OR2F1: variants seen among roughly 807,000 people sequenced by gnomAD.
OR2F1 encodes the protein olfactory receptor 2F1.
For synonymous variants in OR2F1, 146 were observed against 155.3 expected, an observed-to-expected ratio of 0.94 and a Z score of 0.44; for missense variants, 389 against 378.2, an observed-to-expected ratio of 1.03 and a Z score of -0.24.
rs371833869 is a variant in OR2F1, at chr7:143,960,694, G to A, written c.724G>A (p.Ala242Thr). 5 of 1,613,944 alleles carry A rather than the reference G, an allele frequency of 3.1e-6. No homozygotes were observed. In the African/African-American group the frequency reaches 5.3e-5, roughly 17 times the overall value. ...EGRKKAFHTC[A>T]SHLTVVALCY... ...AAGAAAGAAAGCTTTCCACACGTGT[G>A]CCTCTCACCTCACAGTGGTTGCCCT... The change falls in exon 3 of 3, where the codon GCC (alanine) becomes ACC (threonine). Residue 242 changes from alanine to threonine, a missense_variant. Coordinates refer to ENST00000641412, the MANE Select transcript of OR2F1 (RefSeq NM_012369.3).
Position 143,960,078 on chromosome 7 carries a change from G to A in OR2F1, c.108G>A (p.Val36=), listed in dbSNP as rs750702926. 1 of 1,614,074 alleles carries A rather than the reference G, an allele frequency of 6.2e-7. No individual in the cohort carries two copies. The highest frequency in any genetic ancestry group is 1.7e-5 in the Admixed American group (1 of 60,004). The change falls in exon 3 of 3, where the codon GTG becomes GTA. Residue 36 remains valine (V), a synonymous_variant. Coordinates refer to ENST00000641412, the MANE Select transcript of OR2F1 (RefSeq NM_012369.3). Reference sequence around the variant, plus strand: ...TTGTCCTGTTCTTGGTCATGTATGTGGTGACCGTGCTGGGGAACTGTCTCA... The same window carrying A: ...TTGTCCTGTTCTTGGTCATGTATGTAGTGACCGTGCTGGGGAACTGTCTCA... ...SLFVLFLVMY[V]VTVLGNCLIV... is the part of the protein sequence containing the mutation.
rs144390135 is a variant in OR2F1 at position 143,959,716 on chromosome 7, T to C, written c.-23-232T>C. ...TAGAATTCCTAATGTTGCAATGCAT[T>C]ATTTCCAGGATTTAACTGGCTTCCC... On this transcript the variant is annotated intron_variant, in intron 2 of 2. Transcript: ENST00000641412. Among the ~76,000 whole-genome samples the C allele has an allele frequency of 2.3e-3, 351 of 152,340 alleles. 2 individuals carry two copies. Among genetic ancestry groups the C allele is most frequent in the Non-Finnish European group, 4.0e-3 (274 of 68,030 alleles).
In OR2F1 at chr7:143,963,893, C is replaced by T. The variant is rs2050350193; in HGVS notation, c.*2969C>T. The T allele has an allele frequency of 6.6e-6, 1 of 152,208 alleles. No individual in the cohort carries two copies. The highest frequency in any genetic ancestry group is 2.1e-4 in the South Asian group (1 of 4,816). The allele number at this position is 152,208 out of a possible 1,614,324, so 9.4% of individuals were successfully genotyped here. A position where few individuals can be genotyped will look rare whatever the true frequency, so the allele number is the denominator to read the frequency against. On this transcript the variant is annotated 3_prime_UTR_variant, in exon 3 of 3. Transcript: ENST00000641412. Reference sequence around the variant, plus strand: ...CCAGATTGAGGATGGGCCTGCCTCTCCTAGTCCACTGACTCAGATGTTAAT... The same window carrying T: ...CCAGATTGAGGATGGGCCTGCCTCTTCTAGTCCACTGACTCAGATGTTAAT...
chr7:143,956,403 G>A (rs1461248782), intron 1 of OR2F1, among the ~76,000 whole-genome samples: 8 of 151,844 alleles, frequency 5.3e-5, no homozygotes, highest in African/African-American at 1.2e-4. Flanking sequence ...ATAAACATTC[G>A]AAACAAGATA....
intron 1 of OR2F1, among the ~76,000 whole-genome samples, chr7:143,956,277 T>C (rs2050284797): frequency 6.6e-6 from 1 of 152,164 alleles, no homozygotes; most frequent in South Asian, 2.1e-4. Context: ...CAGAATAATA[T>C]GGAGATGGTT....
chr7:143,959,949 T>C lies in OR2F1; in HGVS notation c.-22T>C, dbSNP rs369681027. ...GTTTTTTTCTGACTCCCTTCACAGA[T>C]TAATAATCCTTGAATATTTTAATGG... On this transcript the variant is annotated splice_region_variant and 5_prime_UTR_variant, in exon 3 of 3. Transcript: ENST00000641412. 52 of 1,543,112 alleles carry C rather than the reference T, an allele frequency of 3.4e-5. No homozygotes were observed. The highest frequency in any genetic ancestry group is 4.5e-5 in the Non-Finnish European group (51 of 1,135,758).
At chr7:143,958,185 T>C (rs1562995586) in intron 1 of OR2F1, among the ~76,000 whole-genome samples, 1 of 152,212 alleles carries the variant, frequency 6.6e-6, no homozygotes, top group Non-Finnish European at 1.5e-5. Flanking sequence ...TTATAGGTGT[T>C]TGCCAAGTTA....
intron 1 of OR2F1, among the ~76,000 whole-genome samples, chr7:143,958,686 T>C (rs2050302259): frequency 6.6e-6 from 1 of 151,654 alleles, no homozygotes; most frequent in African/African-American, 2.4e-5. Context: ...AGACATGGAA[T>C]AAGAAGGAAT....
In OR2F1 at chr7:143,960,307, G is replaced by T. The variant is rs763523107; in HGVS notation, c.337G>T (p.Val113Phe). Residue 113 changes from valine (V) to phenylalanine (F), a missense_variant, in exon 3 of 3, where the codon GTT becomes TTT. Coordinates refer to ENST00000641412, the MANE Select transcript of OR2F1 (RefSeq NM_012369.3). ...CCTGGCCTTGGGTGGGATTGAGTTT[G>T]TTCTCCTGGCGGTGATGGCCTATGA... ...FSLALGGIEFVLLAVMAYDRY... is the reference protein window; with the variant it reads ...FSLALGGIEFFLLAVMAYDRY... 5 of 1,614,188 alleles carry T rather than the reference G, an allele frequency of 3.1e-6. No homozygotes were observed. In the South Asian group the frequency reaches 3.3e-5, roughly 11 times the overall value.
rs1321622444 is a variant in OR2F1, at chr7:143,963,017, A to G, written c.*2093A>G. The G allele has an allele frequency of 1.3e-5, 2 of 152,176 alleles. No individual in the cohort carries two copies. Among genetic ancestry groups the G allele is most frequent in the Non-Finnish European group, 2.9e-5 (2 of 68,028 alleles). 9.4% of individuals were successfully genotyped at this position (152,176 alleles called of 1,614,324 possible). ...AGTAAAGTGGTGTCATTTAAAAGTG[A>G]TGTCAGCTAAAACACTTCATCTCCC... On this transcript the variant is annotated 3_prime_UTR_variant, in exon 3 of 3. Coordinates refer to ENST00000641412, the MANE Select transcript of OR2F1 (RefSeq NM_012369.3).
In OR2F1 at chr7:143,960,815, C is replaced by T; in HGVS notation, c.845C>T (p.Thr282Ile). 2 of 1,614,156 alleles carry T rather than the reference C, an allele frequency of 1.2e-6. No homozygotes were observed. Among genetic ancestry groups the T allele is most frequent in the Non-Finnish European group, 1.7e-6 (2 of 1,180,010 alleles). Residue 282 changes from threonine to isoleucine, a missense_variant, in exon 3 of 3, where the codon ACA (threonine) becomes ATA (isoleucine). By Grantham distance (89) the Thr-to-Ile change is moderately conservative. Coordinates refer to ENST00000641412, the MANE Select transcript of OR2F1 (RefSeq NM_012369.3). ...TTCTCTGTCTTTTATGCCATTTTAA[C>T]ACCAATGCTGAACCCCATGATTTAC... ...KLFSVFYAIL[T>I]PMLNPMIYSL...
At position 143,956,282 on chromosome 7, in the gene OR2F1, A is replaced by G. The variant is rs887151871; in HGVS notation, c.-180+1179A>G. Among the ~76,000 whole-genome samples the G allele has an allele frequency of 5.3e-5, 8 of 152,242 alleles. No individual in the cohort carries two copies. The East Asian group carries it at 1.2e-3, about 22-fold the overall frequency. ...AAGGTGAGCCCAGAATAATATGGAG[A>G]TGGTTTTAACTGAAGGTGCATTAAA... On this transcript the variant is annotated intron_variant, in intron 1 of 2. Transcript: ENST00000641412.
chr7:143,960,818 CA>C lies in OR2F1; in HGVS notation c.850del (p.Met284CysfsTer2). On this transcript the variant is annotated frameshift_variant, in exon 3 of 3. Transcript: ENST00000641412. LOFTEE classifies it high-confidence loss of function. ...TCTGTCTTTTATGCCATTTTAACAC[CA>C]ATGCTGAACCCCATGATTTACAGCC... Reference protein sequence around the residue: ...LFSVFYAILTPMLNPMIYSLR... With the variant: ...LFSVFYAILTXMLNPMIYSLR... 6.2e-7 allele frequency: 1 copy of C among 1,614,084 alleles called. No individual in the cohort carries two copies. Among genetic ancestry groups the C allele is most frequent in the Non-Finnish European group, 8.5e-7 (1 of 1,180,002 alleles).
Position 143,960,250 on chromosome 7 carries a change from T to C in OR2F1, c.280T>C (p.Phe94Leu). 2 of 1,614,230 alleles carry C rather than the reference T, an allele frequency of 1.2e-6. No homozygotes were observed. Among genetic ancestry groups the C allele is most frequent in the Non-Finnish European group, 1.7e-6 (2 of 1,180,036 alleles). Reference protein sequence around the residue: ...HFLAEHKAIPFQSCAAQLFFS... With the variant: ...HFLAEHKAIPLQSCAAQLFFS... Reference sequence around the variant, plus strand: ...TCTTGCAGAACATAAAGCCATCCCATTCCAGAGCTGTGCAGCCCAGTTATT... The same window carrying C: ...TCTTGCAGAACATAAAGCCATCCCACTCCAGAGCTGTGCAGCCCAGTTATT... The change falls in exon 3 of 3, where the codon TTC (phenylalanine) becomes CTC (leucine). Residue 94 changes from phenylalanine to leucine, a missense_variant. Transcript: ENST00000641412.
chr7:143,959,506 G>C (rs190534483), intron 2 of OR2F1, among the ~76,000 whole-genome samples: 17 of 152,174 alleles, frequency 1.1e-4, no homozygotes, highest in Non-Finnish European at 8.8e-5. Flanking sequence ...TCCAGGCCTT[G>C]CTTCTTCCAA....
rs201619243 is a variant in OR2F1, at chr7:143,955,887, ATGT to A, written c.-180+790_-180+792del. ...ACATTAGATGCCTGGCAAAAAGGTA[ATGT>A]TGTTGGTGTTGGACAAGTACTGTGA... On this transcript the variant is annotated intron_variant, in intron 1 of 2. Coordinates refer to ENST00000641412, the MANE Select transcript of OR2F1 (RefSeq NM_012369.3). Among the ~76,000 whole-genome samples the A allele has an allele frequency of 6.7e-3, 1,015 of 152,298 alleles. 12 individuals carry two copies. The highest frequency in any genetic ancestry group is 0.022 in the African/African-American group (928 of 41,576).
intron 1 of OR2F1, among the ~76,000 whole-genome samples, chr7:143,958,392 C>G (rs894317927): frequency 6.6e-6 from 1 of 151,946 alleles, no homozygotes; most frequent in South Asian, 2.1e-4. Context: ...CAGGACAGAG[C>G]AGTAAAGGAG....
In OR2F1 at chr7:143,954,922, C is replaced by T. The variant is rs930098764; in HGVS notation, c.-361C>T. The T allele has an allele frequency of 3.9e-5, 6 of 152,036 alleles. No homozygotes were observed. Among genetic ancestry groups the T allele is most frequent in the Non-Finnish European group, 7.4e-5 (5 of 67,978 alleles). 9.4% of individuals were successfully genotyped at this position (152,036 alleles called of 1,614,324 possible). On this transcript the variant is annotated 5_prime_UTR_variant, in exon 1 of 3. Transcript: ENST00000641412. ...GAGATCTTGACTGATTGAAATTTAA[C>T]TGTTAAATTAGAGTTTTTTTGTTAT...
Position 143,963,426 on chromosome 7 carries a change from T to G in OR2F1, c.*2502T>G, listed in dbSNP as rs1368040327. 2 of 152,170 alleles carry G rather than the reference T, an allele frequency of 1.3e-5. No homozygotes were observed. The highest frequency in any genetic ancestry group is 2.4e-5 in the African/African-American group (1 of 41,422). The allele number at this position is 152,170 out of a possible 1,614,324, so 9.4% of individuals were successfully genotyped here. On this transcript the variant is annotated 3_prime_UTR_variant, in exon 3 of 3. Coordinates refer to ENST00000641412, the MANE Select transcript of OR2F1 (RefSeq NM_012369.3). ...ATGCTGAGAGTGGGCATTAGGTATG[T>G]AGAAATAGACTACTATAGTCTCATA...
Sources: gnomAD v4.1 joint callset for allele counts (sites outside exome capture counted in the v4.1 genomes callset) on GRCh38, gnomAD v4.1.1 for gene constraint, MANE v1.5 for transcripts, NCBI Gene and HGNC (gene_info 2026-07-23, HGNC 2026-07-21) for gene names.